Variants in GRM7 observed in about 807,000 individuals in gnomAD.
GRM7 encodes glutamate metabotropic receptor 7.
GRM7 carries 35 observed loss-of-function variants against 84.5 expected under a neutral mutation model. The ratio of observed to expected loss-of-function variants is 0.41; its 90% CI spans 0.32 to 0.55. The LOEUF (loss-of-function observed/expected upper bound fraction) is 0.55. GRM7 is among the 20% of genes least tolerant of loss of function. The pLI is 0.19. For synonymous variants in GRM7, 487 were observed against 455.1 expected (o/e 1.07, Z -0.89); for missense variants, 1,003 against 1,194.6 (o/e 0.84, Z 2.36).
intron 4 of GRM7, among the ~76,000 whole-genome samples, chr3:7,345,206 A>G (rs1023479880): frequency 1.3e-5 from 2 of 151,940 alleles, no homozygotes; most frequent in African/African-American, 2.4e-5. Flanking sequence ...CTGAACTCAC[A>G]TTATATGGGG....
chr3:7,146,902 A>T (rs1240136212), intron 2 of GRM7, among the ~76,000 whole-genome samples: 2 of 152,152 alleles, frequency 1.3e-5, no homozygotes, highest in African/African-American at 4.8e-5. Flanking sequence ...AAAAATATGT[A>T]CTAAAGTTAA....
chr3:7,126,601 G>A (rs138468585), intron 1 of GRM7, among the ~76,000 whole-genome samples: 3 of 152,268 alleles, frequency 2.0e-5, no homozygotes, highest in African/African-American at 7.2e-5. Context: ...GCTATGTGGG[G>A]TGAGGGAAAG....
chr3:7,732,999 G>A (rs923325028), intron 9 of GRM7, among the ~76,000 whole-genome samples: 5 of 152,184 alleles, frequency 3.3e-5, no homozygotes, highest in African/African-American at 1.2e-4. Flanking sequence ...ACCTCCTGAT[G>A]TGGCTATGGC....
intron 1 of GRM7, among the ~76,000 whole-genome samples, chr3:6,973,471 A>T (rs758887437): frequency 9.9e-5 from 15 of 152,236 alleles, no homozygotes; most frequent in Admixed American, 3.3e-4. Flanking sequence ...ATATGTGTAC[A>T]CATATATGTA....
At chr3:7,618,358 C>T (rs1026513048) in intron 8 of GRM7, among the ~76,000 whole-genome samples, 2 of 151,924 alleles carry the variant, frequency 1.3e-5, no homozygotes, top group African/African-American at 4.8e-5. Context: ...TCAGTAAGTG[C>T]CATTACATGT....
At chr3:7,425,504 A>G (rs1042366771) in intron 5 of GRM7, among the ~76,000 whole-genome samples, 14 of 152,166 alleles carry the variant, frequency 9.2e-5, no homozygotes, top group African/African-American at 3.4e-4. Flanking sequence ...AGCCTTGTTA[A>G]AGCAGATGGT....
At chr3:7,118,956 T>C (rs1693130756) in intron 1 of GRM7, among the ~76,000 whole-genome samples, 1 of 152,194 alleles carries the variant, frequency 6.6e-6, no homozygotes. Context: ...TTGACTTGCC[T>C]TAAAATAATA....
At chr3:7,717,278 A>G (rs1575664964) in intron 9 of GRM7, among the ~76,000 whole-genome samples, 1 of 152,334 alleles carries the variant, frequency 6.6e-6, no homozygotes, top group Admixed American at 6.5e-5. Flanking sequence ...CTTCTTAAAA[A>G]AAATTAAATC....
At chr3:6,891,371 C>A (rs1168519937) in intron 1 of GRM7, among the ~76,000 whole-genome samples, 1 of 152,106 alleles carries the variant, frequency 6.6e-6, no homozygotes, top group Non-Finnish European at 1.5e-5. Flanking sequence ...TGGCTGGTAC[C>A]GGTTGTTGCT....
intron 1 of GRM7, among the ~76,000 whole-genome samples, chr3:7,001,082 A>G (rs1289404983): frequency 4.6e-5 from 7 of 152,266 alleles, no homozygotes; most frequent in Non-Finnish European, 8.8e-5. Flanking sequence ...CTAGCCATCC[A>G]ACATAACCCA....
At chr3:7,227,869 T>C (rs921206114) in intron 2 of GRM7, among the ~76,000 whole-genome samples, 2 of 152,150 alleles carry the variant, frequency 1.3e-5, no homozygotes, top group African/African-American at 4.8e-5. Flanking sequence ...CTTAGATTAT[T>C]GTAATTCCAG....
chr3:7,511,042 G>A (rs1441948166), intron 7 of GRM7, among the ~76,000 whole-genome samples: 1 of 152,154 alleles, frequency 6.6e-6, no homozygotes, highest in East Asian at 1.9e-4. Flanking sequence ...AATTAAGAAA[G>A]CAAGATAAGA....
In GRM7 at chr3:7,064,467, T is replaced by TATATATATATATATACACAC. The variant is rs1470463994; in HGVS notation, c.520-81972_520-81971insTACACACATATATATATATA. On this transcript the variant is annotated intron_variant, in intron 1 of 9. Coordinates refer to ENST00000357716, the MANE Select transcript of GRM7 (RefSeq NM_000844.4). ...CCTCATGTATGGATATATATACATA[T>TATATATATATATATACACAC]ATATATATATATACACACATATACA... Among the ~76,000 whole-genome samples the TATATATATATATATACACAC allele has an allele frequency of 1.7e-4, 18 of 105,400 alleles. 1 individual carries two copies. The highest frequency in any genetic ancestry group is 8.5e-4 in the African/African-American group (18 of 21,230). The allele number at this position is 105,400 out of a possible 152,430, so 69.1% of individuals were successfully genotyped here. A position where few individuals can be genotyped will look rare whatever the true frequency, so the allele number is the denominator to read the frequency against.
At chr3:6,966,727 T>A (rs370198327) in intron 1 of GRM7, among the ~76,000 whole-genome samples, 1 of 152,180 alleles carries the variant, frequency 6.6e-6, no homozygotes. Flanking sequence ...AAGTCAGATA[T>A]AAAAACTTTG....
At chr3:7,734,234 G>T (rs1321657665) in intron 9 of GRM7, among the ~76,000 whole-genome samples, 1 of 113,378 alleles carries the variant, frequency 8.8e-6, no homozygotes, top group Non-Finnish European at 1.7e-5. Flanking sequence ...GTGCCAATTT[G>T]CTTTGGCAGG....
chr3:6,922,567 T>A (rs1697163528), intron 1 of GRM7, among the ~76,000 whole-genome samples: 1 of 152,226 alleles, frequency 6.6e-6, no homozygotes, highest in Non-Finnish European at 1.5e-5. Flanking sequence ...GCAGTGGCTT[T>A]TTTTGAATTG....
chr3:6,967,354 A>T (rs1385511404), intron 1 of GRM7, among the ~76,000 whole-genome samples: 1 of 151,982 alleles, frequency 6.6e-6, no homozygotes, highest in Non-Finnish European at 1.5e-5. Context: ...CACCAAGCCT[A>T]GCTACTCCTT....
At chr3:7,412,490 G>A (rs1001629215) in intron 4 of GRM7, among the ~76,000 whole-genome samples, 3 of 152,196 alleles carry the variant, frequency 2.0e-5, no homozygotes, top group South Asian at 2.1e-4. Context: ...CAAATGAGAC[G>A]CCTGGGATAA....
chr3:7,230,925 A>G (rs555843013), intron 2 of GRM7, among the ~76,000 whole-genome samples: 78 of 152,290 alleles, frequency 5.1e-4, no homozygotes, highest in Non-Finnish European at 9.1e-4. Flanking sequence ...ATAGGTCATT[A>G]CCATCTCAAT....
Sources: allele counts gnomAD v4.1 joint callset (sites outside exome capture counted in the v4.1 genomes callset), GRCh38; gene constraint gnomAD v4.1.1; transcripts MANE v1.5; gene names NCBI Gene and HGNC (gene_info 2026-07-23, HGNC 2026-07-21).